Variants in UBE3A observed in about 807,000 individuals in gnomAD.
UBE3A encodes the protein ubiquitin protein ligase E3A.
In UBE3A, 6 loss-of-function variants were observed where a neutral mutation model predicts 83.4. The ratio of observed to expected loss-of-function variants is 0.07; its 90% CI spans 0.04 to 0.14. The LOEUF (loss-of-function observed/expected upper bound fraction) is 0.14. Ranked by LOEUF, UBE3A falls within the 10% of genes least tolerant of loss-of-function variation. The pLI is 1.00. For synonymous variants in UBE3A, 337 were observed against 355.4 expected, an observed-to-expected ratio of 0.95 and a Z score of 0.58; for missense variants, 456 against 1,036.1, an observed-to-expected ratio of 0.44 and a Z score of 7.69.
At chr15:25,340,758 C>G (rs547899924) in intron 11 of UBE3A, among the ~76,000 whole-genome samples, 1 of 152,190 alleles carries the variant, frequency 6.6e-6, no homozygotes, top group South Asian at 2.1e-4. Flanking sequence ...GCCCCAAATG[C>G]AAACAACTAC....
intron 1 of UBE3A, chr15:25,418,416 C>T (rs1349438437): frequency 6.6e-6 from 1 of 152,118 alleles, no homozygotes; most frequent in African/African-American, 2.4e-5. Flanking sequence ...CCAGGTGTCC[C>T]TTAACAGATG....
chr15:25,406,856 G>A (rs946183918), intron 3 of UBE3A, among the ~76,000 whole-genome samples: 578 of 114,186 alleles, frequency 5.1e-3, no homozygotes, highest in African/African-American at 6.3e-3. Context: ...AATGGAAAAG[G>A]AAAAAAAAAA....
chr15:25,359,418 C>CGTGT (rs60677664), intron 7 of UBE3A, among the ~76,000 whole-genome samples: 17,108 of 138,844 alleles, frequency 0.12, 1,176 homozygotes, highest in Middle Eastern at 0.16. Context: ...ATAAGGGATG[C>CGTGT]GTGTGTGTGT....
chr15:25,357,803 A>C (rs8025093), intron 7 of UBE3A, among the ~76,000 whole-genome samples: 2,626 of 152,242 alleles, frequency 0.017, 76 homozygotes, highest in African/African-American at 0.059. Context: ...AAAGCTATTC[A>C]ATACACATGT....
At chr15:25,343,820 G>T (rs1398486549) in intron 11 of UBE3A, among the ~76,000 whole-genome samples, 1 of 152,136 alleles carries the variant, frequency 6.6e-6, no homozygotes, top group East Asian at 1.9e-4. Flanking sequence ...ATGAGCAAAA[G>T]ACTATATAAA....
At chr15:25,397,901 C>G (rs1244276981) in intron 4 of UBE3A, among the ~76,000 whole-genome samples, 1 of 152,064 alleles carries the variant, frequency 6.6e-6, no homozygotes, top group African/African-American at 2.4e-5. Context: ...GACATCTTCA[C>G]CTCCTCATTT....
chr15:25,400,476 T>G (rs1358813362), intron 4 of UBE3A, among the ~76,000 whole-genome samples: 1 of 152,212 alleles, frequency 6.6e-6, no homozygotes. Flanking sequence ...ATTGTTGTAT[T>G]TTTTTCTCAA....
intron 11 of UBE3A, among the ~76,000 whole-genome samples, chr15:25,348,772 T>A (rs1413605552): frequency 1.3e-5 from 2 of 152,168 alleles, no homozygotes; most frequent in African/African-American, 2.4e-5. Context: ...GATTTCAACA[T>A]TAAAAACTAT....
At position 25,340,186 on chromosome 15, in the gene UBE3A, T is replaced by C; in HGVS notation, c.2397A>G (p.Lys799=). 2 of 1,614,006 alleles carry C rather than the reference T, an allele frequency of 1.2e-6. No individual in the cohort carries two copies. The part of the protein sequence containing the change: ...EIVHSFTDEQ[K]RLFLQFTTGT... Reference sequence around the variant, plus strand: ...CCGTTGTAAACTGCAAGAAGAGTCTTTTCTGTTCATCTGTAAATGAATGAA... The same window carrying C: ...CCGTTGTAAACTGCAAGAAGAGTCTCTTCTGTTCATCTGTAAATGAATGAA... The change falls in exon 12 of 13, where the codon AAA becomes AAG. Residue 799 remains lysine, a synonymous_variant. Coordinates refer to ENST00000648336, the MANE Select transcript of UBE3A (RefSeq NM_130839.5).
intron 11 of UBE3A, among the ~76,000 whole-genome samples, chr15:25,350,300 A>T (rs1313771291): frequency 9.1e-6 from 1 of 110,236 alleles, no homozygotes; most frequent in South Asian, 2.6e-4. Flanking sequence ...TTGTCTCTTT[A>T]AAAAAAAAAA....
chr15:25,385,595 G>A (rs969932635), intron 4 of UBE3A, among the ~76,000 whole-genome samples: 1 of 152,104 alleles, frequency 6.6e-6, no homozygotes, highest in Non-Finnish European at 1.5e-5. Context: ...GAGCTTGGAA[G>A]TCACCACTCC....
At chr15:25,396,812 C>T (rs1347198085) in intron 4 of UBE3A, among the ~76,000 whole-genome samples, 2 of 152,002 alleles carry the variant, frequency 1.3e-5, no homozygotes, top group African/African-American at 4.8e-5. Context: ...TGCTCTTCTA[C>T]ATCCTAGGAA....
At chr15:25,343,555 A>C (rs999793932) in intron 11 of UBE3A, among the ~76,000 whole-genome samples, 5 of 152,172 alleles carry the variant, frequency 3.3e-5, no homozygotes, top group African/African-American at 1.2e-4. Flanking sequence ...AGACTCTAGA[A>C]AATTAAAAAA....
chr15:25,350,793 TC>T (rs1224672346), intron 11 of UBE3A, among the ~76,000 whole-genome samples: 4 of 152,178 alleles, frequency 2.6e-5, no homozygotes, highest in Non-Finnish European at 5.9e-5. Context: ...CATGGATGAA[TC>T]TAAAGAGTCT....
At chr15:25,374,240 G>C (rs1007180113) in intron 5 of UBE3A, 2 of 152,240 alleles carry the variant, frequency 1.3e-5, no homozygotes, top group Admixed American at 1.3e-4. Flanking sequence ...TGAGCAAAAA[G>C]AGGAGGGGGC....
rs562633687 is a variant in UBE3A at position 25,367,164 on chromosome 15, T to C, written c.1608+3402A>G. 5.4e-5 allele frequency among the ~76,000 whole-genome samples: 6 copies of C among 112,076 alleles called. No individual in the cohort carries two copies. The East Asian group carries it at 9.0e-4, about 17-fold the overall frequency. The allele number at this position is 112,076 out of a possible 152,430, so 73.5% of individuals were successfully genotyped here. On this transcript the variant is annotated intron_variant, in intron 6 of 12. Transcript: ENST00000648336. ...ACTTGTAAAAGAACACACAAATGGG[T>C]ATATTTACATATTTGTAAATATGTA...
chr15:25,412,932 T>A (rs2090250687), intron 1 of UBE3A: 1 of 411,874 alleles, frequency 2.4e-6, no homozygotes, highest in Admixed American at 3.0e-5. Context: ...GAAGTAGGGG[T>A]AAATGAATTT....
At chr15:25,385,977 G>A (rs1018391304) in intron 4 of UBE3A, among the ~76,000 whole-genome samples, 2 of 152,170 alleles carry the variant, frequency 1.3e-5, no homozygotes, top group Admixed American at 6.5e-5. Context: ...TGATTTTCAA[G>A]TACACTAGAC....
At chr15:25,359,509 C>T (rs1366345844) in intron 7 of UBE3A, among the ~76,000 whole-genome samples, 3 of 150,032 alleles carry the variant, frequency 2.0e-5, no homozygotes, top group Non-Finnish European at 4.4e-5. Context: ...AATCAACAGG[C>T]TATAACAGCT....
Sources: gnomAD v4.1 joint callset for allele counts (sites outside exome capture counted in the v4.1 genomes callset) on GRCh38, gnomAD v4.1.1 for gene constraint, MANE v1.5 for transcripts, NCBI Gene and HGNC (gene_info 2026-07-23, HGNC 2026-07-21) for gene names.